The following PC variants were observed in gnomAD, a reference collection of about 807,000 sequenced individuals.
The protein encoded by PC is pyruvate carboxylase, also known as pyruvate carboxylase, mitochondrial.
A neutral mutation model predicts 107.8 loss-of-function variants in PC; 46 were observed. The observed-to-expected ratio is 0.43, with a 90% confidence interval of 0.34 to 0.55. PC has a LOEUF of 0.55. Among genes scored for constraint, PC ranks in the 20% least tolerant of loss-of-function variants. The pLI is 0.04. For missense variants in PC, 1,241 were observed against 1,643.1 expected (o/e 0.76, Z 4.23); for synonymous variants, 662 against 684.7 (o/e 0.97, Z 0.52).
At chr11:66,853,671 T>C (rs1377862202) in intron 12 of PC, among the ~76,000 whole-genome samples, 2 of 152,192 alleles carry the variant, frequency 1.3e-5, no homozygotes, top group African/African-American at 4.8e-5. Flanking sequence ...GCTCAGCCTT[T>C]TTCTCCAGCA....
intron 3 of PC, among the ~76,000 whole-genome samples, chr11:66,923,504 G>T (rs185639476): frequency 1.3e-5 from 2 of 152,062 alleles, no homozygotes; most frequent in East Asian, 3.9e-4. Flanking sequence ...TAGGATTTGG[G>T]TTTGTTTTTG....
In PC at chr11:66,896,519, C is replaced by T. The variant is rs555786902; in HGVS notation, c.1-24360G>A. ...GGAGCAAGCAAACGAGAAAGAGGAG[C>T]GGGGAACAAAGGAGAAAGACAGAGG... On this transcript the variant is annotated intron_variant, in intron 3 of 22. Transcript: ENST00000393960. Among the ~76,000 whole-genome samples the T allele has an allele frequency of 3.3e-5, 5 of 152,304 alleles. No individual in the cohort carries two copies. The South Asian group carries it at 6.2e-4, about 19-fold the overall frequency.
intron 10 of PC, among the ~76,000 whole-genome samples, chr11:66,867,222 C>T (rs1436944647): frequency 6.6e-6 from 1 of 152,166 alleles, no homozygotes; most frequent in Non-Finnish European, 1.5e-5. Context: ...CCTGTCTCTA[C>T]TAAAAATACA....
Position 66,883,554 on chromosome 11 carries a change from C to A in PC, c.1-11395G>T, listed in dbSNP as rs143827026. On this transcript the variant is annotated intron_variant, in intron 3 of 22. Transcript: ENST00000393960. The stretch of plus-strand genomic sequence containing the variant: ...CTCAGGGGGCTCTCCATGAGGTCTC[C>A]GTGGCGTCTGTGTCCTCAGCAAAGA... Among the ~76,000 whole-genome samples, 3 of 152,236 alleles carry A rather than the reference C, an allele frequency of 2.0e-5. No individual in the cohort carries two copies. In the South Asian group the frequency reaches 6.2e-4, roughly 32 times the overall value.
At chr11:66,884,655 C>T (rs1947297833) in intron 3 of PC, among the ~76,000 whole-genome samples, 1 of 152,118 alleles carries the variant, frequency 6.6e-6, no homozygotes, top group South Asian at 2.1e-4. Context: ...CCTGTGCCCC[C>T]CACACCCATA....
chr11:66,861,653 G>A (rs1454417114), intron 12 of PC, among the ~76,000 whole-genome samples: 3 of 151,958 alleles, frequency 2.0e-5, no homozygotes, highest in African/African-American at 7.2e-5. Flanking sequence ...CAGGGTGGGT[G>A]GGCACAGACG....
intron 10 of PC, among the ~76,000 whole-genome samples, chr11:66,867,920 G>A (rs1418884034): frequency 1.3e-5 from 2 of 152,256 alleles, no homozygotes; most frequent in African/African-American, 4.8e-5. Flanking sequence ...TTGGGGCTGG[G>A]GGCAGAACTG....
chr11:66,863,702 G>T, intron 12 of PC, 72 bp downstream of exon 12: 1 of 1,493,726 alleles, frequency 6.7e-7, no homozygotes, highest in Non-Finnish European at 9.1e-7. Context: ...AAGGCCCTTG[G>T]TGGGGAAGTG....
At chr11:66,915,102 A>G (rs1377300714) in intron 3 of PC, among the ~76,000 whole-genome samples, 1 of 152,022 alleles carries the variant, frequency 6.6e-6, no homozygotes, top group Non-Finnish European at 1.5e-5. Context: ...GGGAGGGCTC[A>G]CAAGGCAAAC....
At chr11:66,851,661 C>T (rs898792912) in intron 16 of PC, 129 bp downstream of exon 16, 2 of 972,352 alleles carry the variant, frequency 2.1e-6, no homozygotes, top group African/African-American at 3.2e-5. Flanking sequence ...CAAACAGCAG[C>T]CCCTGCTGCG....
intron 12 of PC, 121 bp downstream of exon 12, chr11:66,863,653 C>T: frequency 9.4e-7 from 1 of 1,067,500 alleles, no homozygotes; most frequent in Non-Finnish European, 1.4e-6. Context: ...CTGACCTCGA[C>T]CCATCAGTCA....
intron 11 of PC, 145 bp from the exon 12 acceptor site, chr11:66,864,101 G>C (rs763525251): frequency 1.2e-6 from 1 of 826,468 alleles, no homozygotes. Context: ...GCTCTGGCTG[G>C]TCAGGTTTTG....
Position 66,863,848 on chromosome 11 carries a change from G to A in PC, c.1294C>T (p.His432Tyr). ...GCGGCCGTGGGGTGGTCTTTGCCGT[G>A]GGCAATGACTTTGACCAGCAGGGAG... ...YDSLLVKVIA[H>Y]GKDHPTAATK... The change falls in exon 12 of 23, where the codon CAC (histidine) becomes TAC (tyrosine). Residue 432 changes from histidine to tyrosine, a missense_variant. Coordinates refer to ENST00000393960, the MANE Select transcript of PC (RefSeq NM_001040716.2). 6.2e-7 allele frequency: 1 copy of A among 1,613,998 alleles called. No individual in the cohort carries two copies.
At chr11:66,873,541 ATATAATAT>A (rs1334356533) in intron 3 of PC, among the ~76,000 whole-genome samples, 5 of 102,044 alleles carry the variant, frequency 4.9e-5, no homozygotes, top group South Asian at 2.4e-4. Context: ...TATATATTAT[ATATAATAT>A]TATAATATTA....
intron 3 of PC, among the ~76,000 whole-genome samples, chr11:66,914,511 CA>C (rs11370760): frequency 3.3e-4 from 47 of 142,086 alleles, no homozygotes; most frequent in Admixed American, 5.0e-4. Context: ...AACTCTGTCT[CA>C]AAAAAAAAAA....
At chr11:66,872,421 G>A (rs1205816235) in intron 3 of PC, among the ~76,000 whole-genome samples, 2 of 152,136 alleles carry the variant, frequency 1.3e-5, no homozygotes, top group Non-Finnish European at 2.9e-5. Context: ...GCCTAGGCTG[G>A]TCGCAAATGA....
rs368127649 is a variant in PC, at chr11:66,849,562, T to TG, written c.3147+48dup. On this transcript the variant is annotated intron_variant, in intron 21 of 22. Transcript: ENST00000393960. ...ACAGCCAAGCTAAACTCCAGAGCTC[T>TG]GGGGCAGGGGGCCAGGGTGGAGTGT... The TG allele has an allele frequency of 1.2e-3, 1,946 of 1,613,654 alleles. 40 individuals carry two copies. The South Asian group carries it at 0.02, about 17-fold the overall frequency.
rs576297142 is a variant in PC at position 66,873,076 on chromosome 11, C to T, written c.1-917G>A. ...TAATACTTCAGGTTGGGCACGGTGG[C>T]TCACACCTGTAAACCCAGCACTTTG... On this transcript the variant is annotated intron_variant, in intron 3 of 22. Transcript: ENST00000393960. Among the ~76,000 whole-genome samples, 3 of 150,584 alleles carry T rather than the reference C, an allele frequency of 2.0e-5. No individual in the cohort carries two copies. In the South Asian group the frequency reaches 6.3e-4, roughly 31 times the overall value.
intron 3 of PC, among the ~76,000 whole-genome samples, chr11:66,900,913 C>T (rs1947933351): frequency 6.6e-6 from 1 of 152,174 alleles, no homozygotes; most frequent in South Asian, 2.1e-4. Context: ...TATACAAGAT[C>T]ATGTCAACTG....
Sources: gnomAD v4.1 joint callset for allele counts (sites outside exome capture counted in the v4.1 genomes callset) on GRCh38, gnomAD v4.1.1 for gene constraint, MANE v1.5 for transcripts, NCBI Gene and HGNC (gene_info 2026-07-23, HGNC 2026-07-21) for gene names.